Variants in ASIC2 observed in about 807,000 individuals in gnomAD.
ASIC2 encodes the protein acid sensing ion channel subunit 2, also known as acid-sensing ion channel 2.
In ASIC2, 25 loss-of-function variants were observed where a neutral mutation model predicts 57.3. The observed-to-expected ratio is 0.44, with a 90% CI of 0.32 to 0.61. The LOEUF (loss-of-function observed/expected upper bound fraction) is 0.61, where lower values mean the gene tolerates loss of function less well. ASIC2 is among the 20% of genes least tolerant of loss of function. The pLI is 0.06. For synonymous variants in ASIC2, 319 were observed against 307.5 expected, an observed-to-expected ratio of 1.04 and a Z score of -0.39; for missense variants, 641 against 738.1, an observed-to-expected ratio of 0.87 and a Z score of 1.52.
chr17:33,533,820 T>G (rs1915137426), intron 1 of ASIC2: 1 of 152,134 alleles, frequency 6.6e-6, no homozygotes, highest in Non-Finnish European at 1.5e-5. Context: ...TAAACCCACT[T>G]GTCAGCTTTT....
intron 1 of ASIC2, among the ~76,000 whole-genome samples, chr17:33,194,178 C>T (rs1021422902): frequency 1.3e-5 from 2 of 152,190 alleles, no homozygotes; most frequent in African/African-American, 4.8e-5. Flanking sequence ...ACTTTTTGCT[C>T]ATGCTTTTCC....
chr17:34,057,628 A>G (rs1908817322), intron 1 of ASIC2, among the ~76,000 whole-genome samples: 1 of 152,156 alleles, frequency 6.6e-6, no homozygotes, highest in African/African-American at 2.4e-5. Flanking sequence ...GCAGGCAGGA[A>G]GCAACAGGAA....
At chr17:34,012,058 C>T (rs1906786467) in intron 1 of ASIC2, among the ~76,000 whole-genome samples, 1 of 152,208 alleles carries the variant, frequency 6.6e-6, no homozygotes, top group African/African-American at 2.4e-5. Flanking sequence ...TTCCTCCCTC[C>T]CCTTATTTTG....
At chr17:33,959,226 A>G (rs1260531178) in intron 1 of ASIC2, among the ~76,000 whole-genome samples, 1 of 152,188 alleles carries the variant, frequency 6.6e-6, no homozygotes, top group Non-Finnish European at 1.5e-5. Context: ...TATCTTCTTC[A>G]GAGCCCTCCA....
rs3025246 is a variant in ASIC2 at position 33,024,093 on chromosome 17, C to T, written c.1196-79G>A. On this transcript the variant is annotated intron_variant, in intron 5 of 9. Coordinates refer to ENST00000225823, the MANE Select transcript of ASIC2 (RefSeq NM_183377.2). ...AGGGTCCAGAGTAGCTGGATTGTAG[C>T]AGCTGAGAAATGAGCTGGGAAGGGG... 9.3e-5 allele frequency: 147 copies of T among 1,574,680 alleles called. No homozygotes were observed. In the African/African-American group the frequency reaches 1.8e-3, roughly 19 times the overall value.
At chr17:33,448,808 T>A in intron 1 of ASIC2, among the ~76,000 whole-genome samples, 1 of 152,202 alleles carries the variant, frequency 6.6e-6, no homozygotes. Flanking sequence ...GGCCATCCGT[T>A]TTCATCCCAG....
chr17:33,952,749 G>A (rs1904617198), intron 1 of ASIC2, among the ~76,000 whole-genome samples: 2 of 151,792 alleles, frequency 1.3e-5, no homozygotes, highest in African/African-American at 4.8e-5. Flanking sequence ...ATTGATAATG[G>A]GAAAAAAGTA....
At chr17:33,360,937 G>C (rs1597698792) in intron 1 of ASIC2, among the ~76,000 whole-genome samples, 3 of 152,154 alleles carry the variant, frequency 2.0e-5, no homozygotes, top group Admixed American at 2.0e-4. Flanking sequence ...CTTAATCTCA[G>C]CATTGTTCCA....
At chr17:33,213,944 G>A (rs1326056041) in intron 1 of ASIC2, among the ~76,000 whole-genome samples, 1 of 152,222 alleles carries the variant, frequency 6.6e-6, no homozygotes, top group African/African-American at 2.4e-5. Flanking sequence ...ACACCCAGAG[G>A]TGAGTGTGCT....
At chr17:33,348,407 C>A (rs1304643567) in intron 1 of ASIC2, among the ~76,000 whole-genome samples, 1 of 152,130 alleles carries the variant, frequency 6.6e-6, no homozygotes, top group Non-Finnish European at 1.5e-5. Flanking sequence ...AGCAAACCCT[C>A]TTTAACCCTA....
At chr17:33,633,432 T>C (rs1906240455) in intron 1 of ASIC2, among the ~76,000 whole-genome samples, 1 of 152,268 alleles carries the variant, frequency 6.6e-6, no homozygotes, top group East Asian at 1.9e-4. Context: ...CATCACAGCA[T>C]TGACCCAATC....
chr17:33,744,139 T>C (rs1265576128), intron 1 of ASIC2, among the ~76,000 whole-genome samples: 1 of 152,106 alleles, frequency 6.6e-6, no homozygotes, highest in Non-Finnish European at 1.5e-5. Context: ...AAAAAATAAC[T>C]CCTCTTATTA....
At chr17:33,811,945 A>G (rs1567722661) in intron 1 of ASIC2, among the ~76,000 whole-genome samples, 3 of 152,200 alleles carry the variant, frequency 2.0e-5, no homozygotes, top group Admixed American at 6.5e-5. Flanking sequence ...TTTAAGGGTC[A>G]CTTGCTATAT....
chr17:33,231,553 T>C (rs1171763730), intron 1 of ASIC2, among the ~76,000 whole-genome samples: 1 of 152,100 alleles, frequency 6.6e-6, no homozygotes. Flanking sequence ...CCCAAGGCAT[T>C]TGCTGAAGTC....
chr17:33,398,095 T>A (rs1159974464), intron 1 of ASIC2, among the ~76,000 whole-genome samples: 1 of 152,226 alleles, frequency 6.6e-6, no homozygotes, highest in African/African-American at 2.4e-5. Context: ...ACTAACCGAC[T>A]CTATGTTTTT....
At chr17:33,135,530 G>A (rs2092363969) in intron 1 of ASIC2, among the ~76,000 whole-genome samples, 1 of 152,124 alleles carries the variant, frequency 6.6e-6, no homozygotes, top group Admixed American at 6.5e-5. Flanking sequence ...CCCTGTGAGG[G>A]CATGTAGCGA....
intron 1 of ASIC2, among the ~76,000 whole-genome samples, chr17:33,267,893 G>A (rs1365427113): frequency 6.6e-6 from 1 of 152,184 alleles, no homozygotes; most frequent in African/African-American, 2.4e-5. Context: ...CCTCTGATGT[G>A]GGTGGTGGTT....
chr17:33,551,614 G>T (rs1915754657), intron 1 of ASIC2, among the ~76,000 whole-genome samples: 1 of 152,282 alleles, frequency 6.6e-6, no homozygotes. Flanking sequence ...TCTTCTCCTT[G>T]TGAATAATTA....
intron 1 of ASIC2, among the ~76,000 whole-genome samples, chr17:33,678,066 C>G (rs1472658258): frequency 6.6e-6 from 1 of 152,174 alleles, no homozygotes. Flanking sequence ...AGTCCCCCAG[C>G]CTTCAACAGT....
Sources: allele counts gnomAD v4.1 joint callset (sites outside exome capture counted in the v4.1 genomes callset), GRCh38; gene constraint gnomAD v4.1.1; transcripts MANE v1.5; gene names NCBI Gene and HGNC (gene_info 2026-07-23, HGNC 2026-07-21).